The following GSE1 variants were observed in gnomAD, a reference collection of about 807,000 sequenced individuals.
GSE1 encodes the protein genetic suppressor element 1.
GSE1 carries 32 observed loss-of-function variants against 112.6 expected under a neutral mutation model. The observed-to-expected ratio is 0.28, with a 90% confidence interval of 0.21 to 0.38. The LOEUF is 0.38. GSE1 is among the 10% of genes least tolerant of loss of function. The probability of loss-of-function intolerance (pLI) is 1.00; values close to 1 mark genes in which losing one functional copy is unlikely to be tolerated. For synonymous variants in GSE1, 1,115 were observed against 735.6 expected, an observed-to-expected ratio of 1.52 and a Z score of -8.35; for missense variants, 2,348 against 1,699.2, an observed-to-expected ratio of 1.38 and a Z score of -6.71.
At chr16:85,562,049 T>C (rs982884536) in intron 1 of GSE1, among the ~76,000 whole-genome samples, 2 of 152,220 alleles carry the variant, frequency 1.3e-5, no homozygotes, top group Non-Finnish European at 2.9e-5. Context: ...AAACCATAGC[T>C]GTGGCGCCGG....
At chr16:85,590,204 TTGTG>T (rs1314301877) in intron 1 of GSE1, among the ~76,000 whole-genome samples, 9 of 151,752 alleles carry the variant, frequency 5.9e-5, no homozygotes, top group Admixed American at 6.6e-5. Context: ...ATGTGTGTGA[TTGTG>T]TGAACATGTG....
At chr16:85,531,783 A>G (rs1366164881) in intron 2 of GSE1, among the ~76,000 whole-genome samples, 1 of 152,214 alleles carries the variant, frequency 6.6e-6, no homozygotes, top group Non-Finnish European at 1.5e-5. Context: ...CAATGGGCTC[A>G]GGGAGGGGCC....
At position 85,448,895 on chromosome 16, in the gene GSE1, G is replaced by T. The variant is rs184326142; in HGVS notation, c.2464+91252G>T. Among the ~76,000 whole-genome samples the T allele has an allele frequency of 7.9e-5, 12 of 152,314 alleles. No homozygotes were observed. In the East Asian group the frequency reaches 1.7e-3, roughly 22 times the overall value. On this transcript the variant is annotated intron_variant, in intron 2 of 2. Transcript: ENST00000637419. ...AGTGCAGCTGTGAACTCCGGTTTTGGGTCAGAAAGGCAATTTCTCATCTCT... is the reference window on the plus strand; with the variant it reads ...AGTGCAGCTGTGAACTCCGGTTTTGTGTCAGAAAGGCAATTTCTCATCTCT...
intron 2 of GSE1, among the ~76,000 whole-genome samples, chr16:85,465,171 C>T (rs1010787182): frequency 1.7e-4 from 26 of 152,366 alleles, no homozygotes; most frequent in African/African-American, 5.8e-4. Context: ...GGGACGGCCC[C>T]TGGTTCCCGG....
chr16:85,654,785 C>G lies in GSE1; in HGVS notation c.600-9C>G. On this transcript the variant is annotated splice_polypyrimidine_tract_variant and intron_variant, in intron 4 of 15. Coordinates refer to ENST00000253458, the MANE Select transcript of GSE1 (RefSeq NM_014615.5). The stretch of plus-strand genomic sequence containing the variant: ...CTGTCCCCACCTTGCCCACTATCCC[C>G]GCCTGCAGCCTCCAGCGGCCCGTGC... The G allele has an allele frequency of 1.2e-6, 2 of 1,600,640 alleles. No homozygotes were observed. Among genetic ancestry groups the G allele is most frequent in the Non-Finnish European group, 1.7e-6 (2 of 1,171,184 alleles).
intron 1 of GSE1, among the ~76,000 whole-genome samples, chr16:85,289,351 A>T (rs1197144944): frequency 6.6e-6 from 1 of 151,996 alleles, no homozygotes; most frequent in Non-Finnish European, 1.5e-5. Context: ...ACAAGGACTC[A>T]CCTGTACTGT....
chr16:85,558,141 C>T (rs1413534562), intron 1 of GSE1, among the ~76,000 whole-genome samples: 1 of 152,124 alleles, frequency 6.6e-6, no homozygotes, highest in Non-Finnish European at 1.5e-5. Context: ...GCTATCTCTC[C>T]CATGGGAAGA....
chr16:85,616,166 A>G (rs1236653912), intron 1 of GSE1, among the ~76,000 whole-genome samples: 1 of 152,148 alleles, frequency 6.6e-6, no homozygotes. Context: ...TGAGCTAGAG[A>G]TTCCCCCCTT....
chr16:85,308,315 G>A (rs1027307791), intron 1 of GSE1, among the ~76,000 whole-genome samples: 1 of 152,146 alleles, frequency 6.6e-6, no homozygotes, highest in Non-Finnish European at 1.5e-5. Context: ...CCAGCCTCCG[G>A]GAGGACGCTG....
chr16:85,644,087 G>T (rs1014351384), intron 2 of GSE1, among the ~76,000 whole-genome samples: 10 of 152,124 alleles, frequency 6.6e-5, no homozygotes, highest in Admixed American at 1.3e-4. Flanking sequence ...CAGCACTGTG[G>T]GCAACTGAGG....
At chr16:85,413,069 G>T (rs60368615) in intron 2 of GSE1, among the ~76,000 whole-genome samples, 33,837 of 152,098 alleles carry the variant, frequency 0.22, 5,074 homozygotes, top group African/African-American at 0.43. Flanking sequence ...GCCGCCCCAC[G>T]GAGCCCCTGC....
chr16:85,407,817 A>G (rs2048345218), intron 2 of GSE1, among the ~76,000 whole-genome samples: 1 of 6,586 alleles, frequency 1.5e-4, no homozygotes, highest in South Asian at 0.02. Flanking sequence ...GATAATCCTC[A>G]TTGTTACACT....
chr16:85,571,692 T>G (rs1382152839), intron 1 of GSE1, among the ~76,000 whole-genome samples: 1 of 151,992 alleles, frequency 6.6e-6, no homozygotes, highest in Non-Finnish European at 1.5e-5. Context: ...CAGGAAGGAC[T>G]GAGGGGGAGA....
chr16:85,529,935 C>G (rs1419032840), intron 2 of GSE1, among the ~76,000 whole-genome samples: 2 of 152,198 alleles, frequency 1.3e-5, no homozygotes, highest in African/African-American at 4.8e-5. Context: ...AGGGGTTCCT[C>G]CTGTGTGTGG....
chr16:85,333,090 G>T (rs1484502388), intron 1 of GSE1, among the ~76,000 whole-genome samples: 3 of 152,080 alleles, frequency 2.0e-5, no homozygotes, highest in Non-Finnish European at 4.4e-5. Context: ...CCCCAAATCA[G>T]CCAGCACTCA....
chr16:85,629,273 C>T (rs1157148870), intron 1 of GSE1, among the ~76,000 whole-genome samples: 1 of 152,232 alleles, frequency 6.6e-6, no homozygotes, highest in African/African-American at 2.4e-5. Flanking sequence ...CTAGTTCAGC[C>T]ACCCAGCCCG....
intron 1 of GSE1, among the ~76,000 whole-genome samples, chr16:85,187,547 G>C (rs11149717): frequency 0.54 from 82,714 of 151,814 alleles, 22,690 homozygotes; most frequent in Middle Eastern, 0.65. Flanking sequence ...AGGCCAGCGC[G>C]AGTACTATCC....
intron 1 of GSE1, among the ~76,000 whole-genome samples, chr16:85,189,166 C>A (rs758840866): frequency 1.3e-5 from 2 of 152,242 alleles, no homozygotes; most frequent in African/African-American, 2.4e-5. Flanking sequence ...GGGGAGCCTT[C>A]TTTGCTGGCT....
At chr16:85,327,880 A>T (rs2046258235) in intron 1 of GSE1, among the ~76,000 whole-genome samples, 1 of 151,960 alleles carries the variant, frequency 6.6e-6, no homozygotes, top group South Asian at 2.1e-4. Flanking sequence ...ATTTGGGAGG[A>T]TGTTGTCTTT....
Sources: allele counts gnomAD v4.1 joint callset (sites outside exome capture counted in the v4.1 genomes callset), GRCh38; gene constraint gnomAD v4.1.1; transcripts MANE v1.5; gene names NCBI Gene and HGNC (gene_info 2026-07-23, HGNC 2026-07-21).